The following UQCC6 variants were observed in gnomAD, a reference collection of about 807,000 sequenced individuals.
UQCC6 encodes ubiquinol-cytochrome c reductase complex assembly factor 6.
chr12:103,957,852 G>A, the UQCC6 span, among the ~76,000 whole-genome samples: 1 of 148,874 alleles, frequency 6.7e-6, no homozygotes, highest in Non-Finnish European at 1.5e-5. Flanking sequence ...AGACCAGCCT[G>A]GCCAACATGG....
chr12:103,952,817 G>A, the UQCC6 span, among the ~76,000 whole-genome samples: 1 of 152,276 alleles, frequency 6.6e-6, no homozygotes, highest in South Asian at 2.1e-4. Flanking sequence ...GATGACTGCT[G>A]AACAAAGACA....
chr12:103,964,563 A>T, the UQCC6 span, among the ~76,000 whole-genome samples: 2 of 152,224 alleles, frequency 1.3e-5, no homozygotes, highest in Admixed American at 6.5e-5. Context: ...GAGTGCAGAC[A>T]TCCTGAGAAA....
chr12:103,960,952 T>A, the UQCC6 span, among the ~76,000 whole-genome samples: 41,596 of 150,038 alleles, frequency 0.28, 7,689 homozygotes, highest in African/African-American at 0.53. Context: ...TATTCTTTTT[T>A]AAAAAAAAAA....
At chr12:103,960,171 AG>A in the UQCC6 span, among the ~76,000 whole-genome samples, 2 of 151,842 alleles carry the variant, frequency 1.3e-5, no homozygotes, top group Admixed American at 6.6e-5. Context: ...CCTGAGTTCA[AG>A]CAATTCTTCT....
At chr12:103,953,312 T>C in the UQCC6 span, 1 of 699,664 alleles carries the variant, frequency 1.4e-6, no homozygotes, top group Non-Finnish European at 2.6e-6. Context: ...ATATGTACAG[T>C]ATGAGAGAGG....
At chr12:103,956,886 A>G in the UQCC6 span, 1 of 598,144 alleles carries the variant, frequency 1.7e-6, no homozygotes, top group Non-Finnish European at 3.0e-6. Flanking sequence ...TTCTCGCCCA[A>G]CCCCACGCCT....
chr12:103,964,737 G>C, the UQCC6 span, among the ~76,000 whole-genome samples: 2 of 152,316 alleles, frequency 1.3e-5, no homozygotes, highest in East Asian at 1.9e-4. Flanking sequence ...CAAAATCAGA[G>C]AGGATGGGCT....
the UQCC6 span, among the ~76,000 whole-genome samples, chr12:103,961,537 TTTGTTG>T: frequency 0.028 from 4,278 of 150,504 alleles, 126 homozygotes; most frequent in African/African-American, 0.075. Flanking sequence ...ACTGTTTGGT[TTTGTTG>T]TTGTTGTTGT....
At chr12:103,954,834 T>C in the UQCC6 span, 2 of 656,730 alleles carry the variant, frequency 3.0e-6, no homozygotes, top group African/African-American at 1.8e-5. Flanking sequence ...TTTACAAGAG[T>C]ATTGGATTAT....
chr12:103,964,474 G>C, the UQCC6 span, among the ~76,000 whole-genome samples: 1 of 152,170 alleles, frequency 6.6e-6, no homozygotes, highest in Non-Finnish European at 1.5e-5. Context: ...CTGGTCTCTT[G>C]AGGTTATGAA....
At chr12:103,951,483 ATATTTAAGACTTATAT>A in the UQCC6 span, 1 of 1,125,334 alleles carries the variant, frequency 8.9e-7, no homozygotes, top group Non-Finnish European at 1.3e-6. Context: ...TAAGAAATAC[ATATTTAAGACTTATAT>A]TATTCACAGA....
the UQCC6 span, among the ~76,000 whole-genome samples, chr12:103,957,762 G>A: frequency 7.9e-5 from 12 of 151,638 alleles, no homozygotes; most frequent in Non-Finnish European, 1.6e-4. Flanking sequence ...GCAAGGGCCG[G>A]GGGCGGTGGC....
chr12:103,964,177 G>T, the UQCC6 span, among the ~76,000 whole-genome samples: 1 of 110,788 alleles, frequency 9.0e-6, no homozygotes, highest in Admixed American at 1.3e-4. Flanking sequence ...TTTTGAGACG[G>T]AGTCTCACTC....
chr12:103,964,131 CTTTTTTTTTTTTTTTTTTTTTTTTTTT>C, the UQCC6 span, among the ~76,000 whole-genome samples: 1 of 69,470 alleles, frequency 1.4e-5, no homozygotes, highest in Non-Finnish European at 2.6e-5. Flanking sequence ...CTCCCATAAG[CTTTTTTTTTTTTTTTTTTTTTTTTTTT>C]TTTTTTTTTT....
At chr12:103,951,289 G>A in the UQCC6 span, 1 of 383,166 alleles carries the variant, frequency 2.6e-6, no homozygotes, top group African/African-American at 2.1e-5. Flanking sequence ...TTATATTCAA[G>A]ACTAAACATC....
the UQCC6 span, among the ~76,000 whole-genome samples, chr12:103,964,235 C>G: frequency 2.1e-5 from 3 of 143,080 alleles, no homozygotes; most frequent in Non-Finnish European, 4.5e-5. Flanking sequence ...TCACTGCAAC[C>G]TCTGCCTCCC....
At chr12:103,954,987 C>T in the UQCC6 span, 1 of 700,396 alleles carries the variant, frequency 1.4e-6, no homozygotes, top group Non-Finnish European at 2.6e-6. Flanking sequence ...AGAAATAACA[C>T]CTTCAAAATT....
At chr12:103,956,844 C>G in the UQCC6 span, 1 of 747,314 alleles carries the variant, frequency 1.3e-6, no homozygotes, top group Non-Finnish European at 2.3e-6. Context: ...ACACGAGACA[C>G]ACGGCGGCGG....
chr12:103,962,443 GT>G, the UQCC6 span, among the ~76,000 whole-genome samples: 1 of 151,954 alleles, frequency 6.6e-6, no homozygotes, highest in Non-Finnish European at 1.5e-5. Context: ...GATCCATTTT[GT>G]TTTTTTATAT....
Sources: allele counts gnomAD v4.1 joint callset (sites outside exome capture counted in the v4.1 genomes callset), GRCh38; gene constraint gnomAD v4.1.1; transcripts MANE v1.5; gene names NCBI Gene and HGNC (gene_info 2026-07-23, HGNC 2026-07-21).